The following LNP1 variants were observed in gnomAD, a reference collection of about 807,000 sequenced individuals.
LNP1 encodes leukemia NUP98 fusion partner 1.
A neutral mutation model predicts 14.5 loss-of-function variants in LNP1; 12 were observed. The ratio of observed to expected loss-of-function variants is 0.83; its 90% confidence interval spans 0.53 to 1.34. The LOEUF (loss-of-function observed/expected upper bound fraction) is 1.34. LNP1 is among the 40% of genes most tolerant of loss of function. The pLI is 0.00. For synonymous variants in LNP1, 75 were observed against 71.4 expected (o/e 1.05, Z -0.26); for missense variants, 198 against 210.9 (o/e 0.94, Z 0.38).
chr3:100,450,188 T>G (rs543758041), intron 2 of LNP1, among the ~76,000 whole-genome samples: 1 of 150,714 alleles, frequency 6.6e-6, no homozygotes, highest in South Asian at 2.1e-4. Flanking sequence ...TCAGATAGAG[T>G]TGATCAAACC....
chr3:100,440,842 A>C (rs77886903), intron 2 of LNP1, among the ~76,000 whole-genome samples: 6,248 of 152,246 alleles, frequency 0.041, 446 homozygotes, highest in East Asian at 0.31. Context: ...AGCATTGGAA[A>C]CCAGGAGAGC....
At position 100,446,695 on chromosome 3, in the gene LNP1, TACCCA is replaced by T. The variant is rs1445904130; in HGVS notation, c.157-5023_157-5019del. On this transcript the variant is annotated intron_variant, in intron 2 of 3. Transcript: ENST00000383693. ...AGAATGGGAGAAAATTTTTGTAATCTACCCATCTGACAAAGGGCTAATACCCAGAA... is the reference window on the plus strand; with the variant it reads ...AGAATGGGAGAAAATTTTTGTAATCTTCTGACAAAGGGCTAATACCCAGAA... Among the ~76,000 whole-genome samples the T allele has an allele frequency of 2.0e-3, 304 of 152,288 alleles. 1 individual carries two copies. The highest frequency in any genetic ancestry group is 7.0e-3 in the African/African-American group (289 of 41,560).
intron 2 of LNP1, among the ~76,000 whole-genome samples, chr3:100,440,138 C>G (rs374955492): frequency 3.3e-5 from 5 of 152,202 alleles, no homozygotes; most frequent in African/African-American, 9.6e-5. Context: ...TCTGTTGTCT[C>G]TCTACCTGTT....
At chr3:100,425,032 G>A (rs1249612035) in intron 1 of LNP1, among the ~76,000 whole-genome samples, 1 of 152,084 alleles carries the variant, frequency 6.6e-6, no homozygotes, top group South Asian at 2.1e-4. Flanking sequence ...GCATCAATTC[G>A]AGCACAGCAC....
At chr3:100,438,674 T>C (rs891470549) in intron 2 of LNP1, among the ~76,000 whole-genome samples, 1 of 152,134 alleles carries the variant, frequency 6.6e-6, no homozygotes, top group African/African-American at 2.4e-5. Flanking sequence ...TTGACAGAGA[T>C]TGTTGTTCTA....
Position 100,402,165 on chromosome 3 carries a change from A to G in LNP1, c.-308A>G, listed in dbSNP as rs1465491052. Reference sequence around the variant, plus strand: ...AAAATATAAAATTACCTTGCAAGGTATTGTTTGGAATACACGGTATTTTCA... The same window carrying G: ...AAAATATAAAATTACCTTGCAAGGTGTTGTTTGGAATACACGGTATTTTCA... On this transcript the variant is annotated 5_prime_UTR_variant, in exon 1 of 4. Transcript: ENST00000383693. The G allele has an allele frequency of 1.3e-5, 2 of 152,218 alleles. No individual in the cohort carries two copies. Among genetic ancestry groups the G allele is most frequent in the African/African-American group, 4.8e-5 (2 of 41,456 alleles). 9.4% of individuals were successfully genotyped at this position (152,218 alleles called of 1,614,324 possible). A position where few individuals can be genotyped will look rare whatever the true frequency, so the allele number is the denominator to read the frequency against.
rs750149977 is a variant in LNP1, at chr3:100,429,842, G to T, written c.113G>T (p.Arg38Leu). Reference protein sequence around the residue: ...EDQRGLRERHRLQATSHRKTS... With the variant: ...EDQRGLRERHLLQATSHRKTS... Reference sequence around the variant, plus strand: ...CAGAGAGGACTCCGGGAACGCCACCGACTGCAAGCCACCAGTCACAGGAAA... The same window carrying T: ...CAGAGAGGACTCCGGGAACGCCACCTACTGCAAGCCACCAGTCACAGGAAA... The change falls in exon 2 of 4, where the codon CGA (arginine) becomes CTA (leucine). Residue 38 changes from arginine (R) to leucine (L), a missense_variant. Coordinates refer to ENST00000383693, the MANE Select transcript of LNP1 (RefSeq NM_001085451.2). 5 of 1,613,802 alleles carry T rather than the reference G, an allele frequency of 3.1e-6. No individual in the cohort carries two copies. The South Asian group carries it at 3.3e-5, about 11-fold the overall frequency.
In LNP1 at chr3:100,443,253, G is replaced by T. The variant is rs1707361101; in HGVS notation, c.157-8466G>T. ...GAAAATACAGAATTCGGTCCAAAAT[G>T]TAGAAAATAATAAAAATTGAAAAAC... On this transcript the variant is annotated intron_variant, in intron 2 of 3. Coordinates refer to ENST00000383693, the MANE Select transcript of LNP1 (RefSeq NM_001085451.2). Among the ~76,000 whole-genome samples the T allele has an allele frequency of 2.6e-5, 4 of 152,162 alleles. No homozygotes were observed. In the South Asian group the frequency reaches 8.3e-4, roughly 32 times the overall value.
At chr3:100,453,523 G>A (rs7630901) in intron 3 of LNP1, among the ~76,000 whole-genome samples, 1,851 of 149,564 alleles carry the variant, frequency 0.012, 36 homozygotes, top group African/African-American at 0.044. Flanking sequence ...TCGAGTTTGA[G>A]ACTGCCGTCA....
intron 1 of LNP1, among the ~76,000 whole-genome samples, chr3:100,409,898 A>G (rs1381396797): frequency 2.0e-5 from 3 of 151,742 alleles, no homozygotes; most frequent in African/African-American, 7.3e-5. Context: ...CCCAGCCTAA[A>G]TATATATTTG....
intron 1 of LNP1, among the ~76,000 whole-genome samples, chr3:100,412,616 C>T (rs1290545149): frequency 6.6e-6 from 1 of 152,190 alleles, no homozygotes; most frequent in African/African-American, 2.4e-5. Flanking sequence ...ATCTCAACAT[C>T]AGAAGCCGTG....
At chr3:100,422,523 G>A (rs1707153716) in intron 1 of LNP1, among the ~76,000 whole-genome samples, 1 of 152,154 alleles carries the variant, frequency 6.6e-6, no homozygotes, top group Admixed American at 6.5e-5. Flanking sequence ...GGATTGAAGA[G>A]ACCTTGAGAG....
rs373508256 is a variant in LNP1, at chr3:100,453,352, C to T, written c.387+1403C>T. Among the ~76,000 whole-genome samples, 85 of 151,536 alleles carry T rather than the reference C, an allele frequency of 5.6e-4. 1 individual carries two copies. In the Middle Eastern group the frequency reaches 0.02, roughly 36 times the overall value. ...TCCCAGCACTTTGGAAGGTTGAGGC[C>T]ACGGGATCGCTTGAGGCCAGGAATT... is the stretch of plus-strand genomic sequence containing the variant. On this transcript the variant is annotated intron_variant, in intron 3 of 3. Coordinates refer to ENST00000383693, the MANE Select transcript of LNP1 (RefSeq NM_001085451.2).
In LNP1 at chr3:100,414,037, A is replaced by G. The variant is rs982919021; in HGVS notation, c.-34+11598A>G. Among the ~76,000 whole-genome samples the G allele has an allele frequency of 1.3e-4, 20 of 152,354 alleles. 1 individual carries two copies. The highest frequency in any genetic ancestry group is 8.3e-4 in the South Asian group (4 of 4,830). ...TTTGAAAAACATTCAAAGCTGCAAA[A>G]AAAAAAATAGTTTCTGTAACTATGT... is the stretch of plus-strand genomic sequence containing the variant. On this transcript the variant is annotated intron_variant, in intron 1 of 3. Transcript: ENST00000383693.
intron 2 of LNP1, among the ~76,000 whole-genome samples, chr3:100,450,882 A>AAAAT (rs202009335): frequency 0.011 from 1,673 of 152,182 alleles, 21 homozygotes; most frequent in African/African-American, 0.038. Context: ...TAAAACTCCA[A>AAAAT]AAATAAATAA....
chr3:100,413,793 G>A (rs578146360), intron 1 of LNP1, among the ~76,000 whole-genome samples: 2 of 152,188 alleles, frequency 1.3e-5, no homozygotes, highest in Admixed American at 1.3e-4. Context: ...GCATGAAAAT[G>A]CTGGTCCATT....
intron 2 of LNP1, 24 bp from the exon 3 acceptor site, chr3:100,451,695 A>T (rs768551213): frequency 7.4e-6 from 7 of 948,128 alleles, no homozygotes; most frequent in Non-Finnish European, 9.7e-6. Flanking sequence ...TTATACTGTA[A>T]ATTTTTTCAT....
chr3:100,435,475 T>C (rs1707285233), intron 2 of LNP1, among the ~76,000 whole-genome samples: 3 of 152,212 alleles, frequency 2.0e-5, no homozygotes, highest in Admixed American at 2.0e-4. Flanking sequence ...CTTTGAACAG[T>C]GCCTGGTACC....
At chr3:100,415,813 G>A (rs1223683967) in intron 1 of LNP1, among the ~76,000 whole-genome samples, 1 of 152,078 alleles carries the variant, frequency 6.6e-6, no homozygotes, top group Non-Finnish European at 1.5e-5. Context: ...TTGGAACTTT[G>A]CCACCACCTT....
Sources: allele counts gnomAD v4.1 joint callset (sites outside exome capture counted in the v4.1 genomes callset), GRCh38; gene constraint gnomAD v4.1.1; transcripts MANE v1.5; gene names NCBI Gene and HGNC (gene_info 2026-07-23, HGNC 2026-07-21).